FILIP1: variants seen among roughly 807,000 people sequenced by gnomAD.
FILIP1 encodes filamin-A-interacting protein 1.
A neutral mutation model predicts 102.1 loss-of-function variants in FILIP1; 61 were observed. That is an observed-to-expected ratio of 0.60 (90% confidence interval 0.49 to 0.74). The LOEUF is 0.74. FILIP1 is among the 30% of genes least tolerant of loss of function. The probability of loss-of-function intolerance (pLI) is 0.00; values close to 1 mark genes in which losing one functional copy is unlikely to be tolerated. For missense variants in FILIP1, 1,314 were observed against 1,441.2 expected (o/e 0.91, Z 1.43); for synonymous variants, 491 against 526.9 (o/e 0.93, Z 0.93).
chr6:75,372,758 GAAA>G (rs1562515922), intron 2 of FILIP1, among the ~76,000 whole-genome samples: 4 of 53,638 alleles, frequency 7.5e-5, no homozygotes, highest in Admixed American at 3.6e-4. Flanking sequence ...AAGAAAGAAA[GAAA>G]GAAAGAAAGA....
intron 2 of FILIP1, among the ~76,000 whole-genome samples, chr6:75,397,376 G>C (rs1336614787): frequency 6.6e-6 from 1 of 150,956 alleles, no homozygotes; most frequent in African/African-American, 2.4e-5. Flanking sequence ...CTCAAAGCTA[G>C]GAATTTACAT....
At chr6:75,363,654 C>T (rs1227380229) in intron 2 of FILIP1, among the ~76,000 whole-genome samples, 1 of 152,194 alleles carries the variant, frequency 6.6e-6, no homozygotes, top group Non-Finnish European at 1.5e-5. Flanking sequence ...ATCATACTGT[C>T]TGTGGTTCCC....
intron 1 of FILIP1, among the ~76,000 whole-genome samples, chr6:75,491,426 C>T (rs1053424203): frequency 6.6e-6 from 1 of 151,958 alleles, no homozygotes; most frequent in Non-Finnish European, 1.5e-5. Flanking sequence ...ACTAGAAGTC[C>T]CAGAAGATAA....
chr6:75,488,016 T>C (rs544533692), intron 1 of FILIP1, among the ~76,000 whole-genome samples: 2 of 152,228 alleles, frequency 1.3e-5, no homozygotes, highest in African/African-American at 2.4e-5. Context: ...CTCGAGATAA[T>C]TTCTGCATTA....
rs537415347 is a variant in FILIP1 at position 75,485,797 on chromosome 6, G to A, written c.-7+7617C>T. Among the ~76,000 whole-genome samples the A allele has an allele frequency of 1.6e-4, 25 of 152,166 alleles. No homozygotes were observed. In the East Asian group the frequency reaches 2.1e-3, roughly 13 times the overall value. On this transcript the variant is annotated intron_variant, in intron 1 of 5. Transcript: ENST00000237172. Reference sequence around the variant, plus strand: ...CATAGTAGCAAAATGGCTGAAAAGCGTCAGGCAATTTTTCTTAAACTACAG... The same window carrying A: ...CATAGTAGCAAAATGGCTGAAAAGCATCAGGCAATTTTTCTTAAACTACAG...
intron 4 of FILIP1, among the ~76,000 whole-genome samples, chr6:75,343,528 C>A (rs1774482128): frequency 1.3e-5 from 2 of 152,154 alleles, no homozygotes; most frequent in African/African-American, 4.8e-5. Flanking sequence ...TTTCTATCCT[C>A]TCAGAGAAAC....
chr6:75,484,000 C>T (rs928762690), intron 1 of FILIP1, among the ~76,000 whole-genome samples: 3 of 152,092 alleles, frequency 2.0e-5, no homozygotes, highest in African/African-American at 4.8e-5. Flanking sequence ...TAAATATTAG[C>T]TACTTTATTG....
In FILIP1 at chr6:75,417,586, C is replaced by T. The variant is rs541107799; in HGVS notation, c.-6-2608G>A. ...TTTATACTCTTCATATTTTTAATAGCTCTCACTTACTGCTTCTTAAGTGTT... is the reference window on the plus strand; with the variant it reads ...TTTATACTCTTCATATTTTTAATAGTTCTCACTTACTGCTTCTTAAGTGTT... On this transcript the variant is annotated intron_variant, in intron 1 of 5. Transcript: ENST00000237172. Among the ~76,000 whole-genome samples the T allele has an allele frequency of 2.0e-5, 3 of 152,244 alleles. No individual in the cohort carries two copies. In the East Asian group the frequency reaches 5.8e-4, roughly 29 times the overall value.
chr6:75,306,167 T>G (rs1435394473), downstream of FILIP1, among the ~76,000 whole-genome samples: 1 of 152,246 alleles, frequency 6.6e-6, no homozygotes, highest in Non-Finnish European at 1.5e-5. Context: ...GTAGTTGTTC[T>G]TTATCATTTC....
chr6:75,333,296 A>T (rs1774138878), intron 4 of FILIP1, among the ~76,000 whole-genome samples: 1 of 152,124 alleles, frequency 6.6e-6, no homozygotes, highest in Non-Finnish European at 1.5e-5. Flanking sequence ...TAATTATCTC[A>T]CCCAGTTTTG....
intron 1 of FILIP1, among the ~76,000 whole-genome samples, chr6:75,453,685 A>G (rs1226662047): frequency 9.2e-5 from 14 of 152,090 alleles, no homozygotes; most frequent in Non-Finnish European, 2.9e-5. Flanking sequence ...GGTGTTATGC[A>G]CCTCTAGTCC....
intron 4 of FILIP1, among the ~76,000 whole-genome samples, chr6:75,339,642 C>A (rs577163851): frequency 2.4e-4 from 37 of 152,094 alleles, no homozygotes; most frequent in Non-Finnish European, 4.9e-4. Context: ...GTGTTTAATC[C>A]TTTCAAGATA....
intron 1 of FILIP1, among the ~76,000 whole-genome samples, chr6:75,444,360 T>C (rs954342310): frequency 6.6e-6 from 1 of 152,208 alleles, no homozygotes; most frequent in Non-Finnish European, 1.5e-5. Context: ...GCGTACATAG[T>C]CTACTATCAG....
At chr6:75,351,768 C>T (rs916120604) in intron 4 of FILIP1, among the ~76,000 whole-genome samples, 1 of 152,186 alleles carries the variant, frequency 6.6e-6, no homozygotes, top group Non-Finnish European at 1.5e-5. Context: ...ATGGATTTCT[C>T]ATAATGCATC....
At chr6:75,442,049 C>G (rs1171742514) in intron 1 of FILIP1, among the ~76,000 whole-genome samples, 2 of 151,336 alleles carry the variant, frequency 1.3e-5, no homozygotes, top group Non-Finnish European at 3.0e-5. Context: ...GGGCGGCTGC[C>G]GGGTGGAGGG....
intron 1 of FILIP1, among the ~76,000 whole-genome samples, chr6:75,466,910 C>T (rs1384333445): frequency 6.6e-6 from 1 of 152,174 alleles, no homozygotes; most frequent in Non-Finnish European, 1.5e-5. Context: ...TAGTTCATCC[C>T]TCTGCCTCTC....
chr6:75,359,995 A>C (rs1438851159), intron 3 of FILIP1, among the ~76,000 whole-genome samples: 2 of 152,220 alleles, frequency 1.3e-5, no homozygotes, highest in Admixed American at 1.3e-4. Context: ...CTTTACGAAA[A>C]GACAGGAATG....
At chr6:75,457,229 T>A (rs1448968870) in intron 1 of FILIP1, among the ~76,000 whole-genome samples, 3 of 152,164 alleles carry the variant, frequency 2.0e-5, no homozygotes, top group Non-Finnish European at 1.5e-5. Context: ...GTCAGATGAG[T>A]CTGGCTCAAA....
chr6:75,334,194 T>C (rs1774168070), intron 4 of FILIP1, among the ~76,000 whole-genome samples: 1 of 152,170 alleles, frequency 6.6e-6, no homozygotes, highest in Admixed American at 6.6e-5. Context: ...TTAAAAGCCT[T>C]CAGAACACAT....
Sources: gnomAD v4.1 joint callset for allele counts (sites outside exome capture counted in the v4.1 genomes callset) on GRCh38, gnomAD v4.1.1 for gene constraint, MANE v1.5 for transcripts, NCBI Gene and HGNC (gene_info 2026-07-23, HGNC 2026-07-21) for gene names.